Variants in PCNX2 observed in about 807,000 individuals in gnomAD.
The protein encoded by PCNX2 is pecanex-like protein 2.
PCNX2 carries 168 observed loss-of-function variants against 223.8 expected under a neutral mutation model. The observed-to-expected ratio is 0.75, with a 90% CI of 0.66 to 0.85. The LOEUF is 0.85. Among genes scored for constraint, PCNX2 ranks in the 40% least tolerant of loss-of-function variants. The probability of loss-of-function intolerance (pLI) is 0.00; values close to 1 mark genes in which losing one functional copy is unlikely to be tolerated. For synonymous variants in PCNX2, 1,006 were observed against 1,052.6 expected, an observed-to-expected ratio of 0.96 and a Z score of 0.86; for missense variants, 2,507 against 2,675.5, an observed-to-expected ratio of 0.94 and a Z score of 1.39.
At position 233,252,463 on chromosome 1, in the gene PCNX2, C is replaced by G. The variant is rs752438487; in HGVS notation, c.2019G>C (p.Arg673Ser). 6.2e-6 allele frequency: 10 copies of G among 1,613,034 alleles called. No homozygotes were observed. The highest frequency in any genetic ancestry group is 7.6e-6 in the Non-Finnish European group (9 of 1,179,220). ...QGNRQRQIIY[R>S]VTSQQDSSVL... ...CAGAACTATCTTGTTGGGAAGTTAC[C>G]CTGTAGATTATCTGTCTTTGTCTAT... Residue 673 changes from arginine to serine, a missense_variant, in exon 7 of 34, where the codon AGG becomes AGC. By Grantham distance (110) the Arg-to-Ser change is moderately radical. Coordinates refer to ENST00000258229, the MANE Select transcript of PCNX2 (RefSeq NM_014801.4).
At chr1:233,246,075 C>A (rs1195670688) in intron 8 of PCNX2, among the ~76,000 whole-genome samples, 1 of 152,180 alleles carries the variant, frequency 6.6e-6, no homozygotes, top group Admixed American at 6.5e-5. Flanking sequence ...ACTAACATAG[C>A]AGCAGCCCTT....
chr1:233,000,546 GA>G lies in PCNX2; in HGVS notation c.5098-12del. On this transcript the variant is annotated splice_polypyrimidine_tract_variant and intron_variant, in intron 29 of 33. Transcript: ENST00000258229. The surrounding 1 kb of genome is among the most constrained non-coding windows in gnomAD (Gnocchi z 4.6). The stretch of plus-strand genomic sequence containing the variant: ...GCAAGTGAACTGGTCCTGGTGGGAA[GA>G]AGTGTGGGTGTGGGCTGGGCAAGGA... The G allele has an allele frequency of 6.4e-7, 1 of 1,570,508 alleles. No homozygotes were observed. The highest frequency in any genetic ancestry group is 8.6e-7 in the Non-Finnish European group (1 of 1,163,050).
chr1:233,291,139 G>C, intron 1 of PCNX2: 1 of 967,484 alleles, frequency 1.0e-6, no homozygotes, highest in Non-Finnish European at 1.2e-6. Flanking sequence ...GATGCTACAG[G>C]ACCTCAGCTA....
the PCNX2 span, among the ~76,000 whole-genome samples, chr1:233,309,268 G>A: frequency 5.3e-5 from 8 of 152,294 alleles, no homozygotes; most frequent in South Asian, 2.1e-4. Context: ...ATGGCCGGGC[G>A]CGGTGGCTCA....
At chr1:233,169,268 C>T (rs1332289439) in intron 17 of PCNX2, among the ~76,000 whole-genome samples, 3 of 151,852 alleles carry the variant, frequency 2.0e-5, no homozygotes, top group East Asian at 1.9e-4. Context: ...GATCCTAAGT[C>T]TGAAAAATCA....
intron 15 of PCNX2, among the ~76,000 whole-genome samples, chr1:233,191,571 C>T (rs544171996): frequency 2.6e-5 from 4 of 152,262 alleles, no homozygotes; most frequent in East Asian, 3.9e-4. Flanking sequence ...GCAAGTTACT[C>T]GTGCACAAGT....
chr1:233,232,092 C>T (rs950828440), intron 9 of PCNX2, among the ~76,000 whole-genome samples: 2 of 152,194 alleles, frequency 1.3e-5, no homozygotes, highest in African/African-American at 2.4e-5. Flanking sequence ...AGGGATAAAA[C>T]ATATTTTTTT....
rs1353273197 is a variant in PCNX2, at chr1:232,990,236, C to T, written c.5792-3696G>A. 2.0e-5 allele frequency among the ~76,000 whole-genome samples: 3 copies of T among 152,170 alleles called. No homozygotes were observed. The highest frequency in any genetic ancestry group is 4.8e-5 in the African/African-American group (2 of 41,450). On this transcript the variant is annotated intron_variant, in intron 32 of 33. Coordinates refer to ENST00000258229, the MANE Select transcript of PCNX2 (RefSeq NM_014801.4). This position sits in a 1 kb window ranked among gnomAD's most constrained non-coding sequence, Gnocchi z 4.3. ...TGTCCCGGGCAGGGCCAGGCAGAGC[C>T]GCCCCTCCCGTTGTGGTAGCCTCCT...
chr1:233,174,327 G>A (rs931484631), intron 17 of PCNX2, among the ~76,000 whole-genome samples: 1 of 145,662 alleles, frequency 6.9e-6, no homozygotes, highest in African/African-American at 2.5e-5. Flanking sequence ...ATTGAATATT[G>A]TTTTAGAAGT....
At chr1:233,216,190 G>A (rs572491146) in intron 12 of PCNX2, among the ~76,000 whole-genome samples, 2 of 152,306 alleles carry the variant, frequency 1.3e-5, no homozygotes, top group African/African-American at 4.8e-5. Flanking sequence ...CGGTACAGAG[G>A]CATGTGGCTC....
In PCNX2 at chr1:233,198,975, G is replaced by A. The variant is rs373192464; in HGVS notation, c.3030C>T (p.Ala1010=). The A allele has an allele frequency of 3.5e-5, 57 of 1,605,962 alleles. No individual in the cohort carries two copies. Among genetic ancestry groups the A allele is most frequent in the South Asian group, 1.0e-4 (9 of 89,026 alleles). Reference sequence around the variant, plus strand: ...TGAAGCAGACTGCGTGGAGCAGGGCGGCAGCCAAGACGCTCCGGGCCACAC... The same window carrying A: ...TGAAGCAGACTGCGTGGAGCAGGGCAGCAGCCAAGACGCTCCGGGCCACAC... ...VYSVARSVLA[A]ALLHAVCFSA... is the part of the protein sequence containing the mutation. Residue 1010 remains alanine (A), a synonymous_variant, in exon 15 of 34, where the codon GCC becomes GCT. Coordinates refer to ENST00000258229, the MANE Select transcript of PCNX2 (RefSeq NM_014801.4).
At chr1:233,163,208 G>A (rs552594417) in intron 17 of PCNX2, among the ~76,000 whole-genome samples, 1 of 151,976 alleles carries the variant, frequency 6.6e-6, no homozygotes, top group African/African-American at 2.4e-5. Flanking sequence ...AACTTAGGCC[G>A]GGCGCTGTGG....
At chr1:233,194,046 G>T (rs887605978) in intron 15 of PCNX2, among the ~76,000 whole-genome samples, 1 of 148,202 alleles carries the variant, frequency 6.7e-6, no homozygotes, top group Non-Finnish European at 1.5e-5. Flanking sequence ...AAATCAAACA[G>T]TTCAGAGAAT....
At chr1:233,323,454 T>G in the PCNX2 span, among the ~76,000 whole-genome samples, 2 of 152,252 alleles carry the variant, frequency 1.3e-5, no homozygotes, top group Non-Finnish European at 2.9e-5. Flanking sequence ...TTTTACAAAT[T>G]GAAGGTGTGT....
chr1:233,320,047 T>C, the PCNX2 span, among the ~76,000 whole-genome samples: 1 of 152,226 alleles, frequency 6.6e-6, no homozygotes, highest in African/African-American at 2.4e-5. Context: ...CGTGTTGCAA[T>C]ATATTGTCCT....
In PCNX2 at chr1:232,984,480, T is replaced by C; in HGVS notation, c.6241-3A>G. On this transcript the variant is annotated splice_region_variant and splice_polypyrimidine_tract_variant and intron_variant, in intron 33 of 33. Transcript: ENST00000258229. ...GGCTCACATGGCTCGGAGAGGTGCT[T>C]CCAAAGAGAAGAGAGAAACAGTGAA... The C allele has an allele frequency of 6.2e-7, 1 of 1,611,352 alleles. No homozygotes were observed. Among genetic ancestry groups the C allele is most frequent in the Non-Finnish European group, 8.5e-7 (1 of 1,178,944 alleles).
chr1:233,161,787 A>G (rs1012145014), intron 17 of PCNX2, among the ~76,000 whole-genome samples: 13 of 152,072 alleles, frequency 8.5e-5, no homozygotes, highest in African/African-American at 3.1e-4. Context: ...TCAAAGTGCT[A>G]ATCATCTCTA....
At chr1:233,200,703 T>A (rs1333580702) in intron 13 of PCNX2, among the ~76,000 whole-genome samples, 2 of 151,262 alleles carry the variant, frequency 1.3e-5, no homozygotes, top group Non-Finnish European at 3.0e-5. Context: ...GAAAGGAAAC[T>A]GGGAAAACTA....
chr1:233,117,833 A>C (rs1445548627), intron 21 of PCNX2, among the ~76,000 whole-genome samples: 2 of 151,006 alleles, frequency 1.3e-5, no homozygotes, highest in East Asian at 3.9e-4. Context: ...AAACGGTGAA[A>C]CCCCGTCTCT....
Sources: gnomAD v4.1 joint callset for allele counts (sites outside exome capture counted in the v4.1 genomes callset) on GRCh38, gnomAD v4.1.1 for gene constraint, Gnocchi (gnomAD v3.1) non-coding constraint, MANE v1.5 for transcripts, NCBI Gene and HGNC (gene_info 2026-07-23, HGNC 2026-07-21) for gene names.